NUP210: variants seen among roughly 807,000 people sequenced by gnomAD.
The protein encoded by NUP210 is nucleoporin 210.
In NUP210, 151 loss-of-function variants were observed where a neutral mutation model predicts 196.0. The ratio of observed to expected loss-of-function variants is 0.77; its 90% confidence interval spans 0.67 to 0.88. The LOEUF is 0.88. Ranked by LOEUF, NUP210 falls within the 40% of genes least tolerant of loss-of-function variation. The probability of loss-of-function intolerance (pLI) is 0.00; values close to 1 mark genes in which losing one functional copy is unlikely to be tolerated. For missense variants in NUP210, 2,314 were observed against 2,493.7 expected (o/e 0.93, Z 1.53); for synonymous variants, 1,070 against 1,052.7 (o/e 1.02, Z -0.32).
rs556545571 is a variant in NUP210 at position 13,412,479 on chromosome 3, AGAG to A, written c.167+7578_167+7580del. Among the ~76,000 whole-genome samples, 94 of 151,794 alleles carry A rather than the reference AGAG, an allele frequency of 6.2e-4. No individual in the cohort carries two copies. In the South Asian group the frequency reaches 0.019, roughly 31 times the overall value. On this transcript the variant is annotated intron_variant, in intron 1 of 39. Transcript: ENST00000254508. ...CTGTAATCCCAGCACTTTGGGAGGC[AGAG>A]GAGGGCTGATCACCTGAGGTCGGGA...
At chr3:13,336,027 T>C (rs1481892789) in intron 27 of NUP210, among the ~76,000 whole-genome samples, 4 of 152,240 alleles carry the variant, frequency 2.6e-5, no homozygotes, top group East Asian at 3.8e-4. Flanking sequence ...TTGTGTTCCA[T>C]GGGAGCAATC....
At chr3:13,328,974 G>A (rs907664286) in intron 30 of NUP210, 28 bp from the exon 31 acceptor site, 1 of 1,603,592 alleles carries the variant, frequency 6.2e-7, no homozygotes, top group South Asian at 1.1e-5. Context: ...GGTATGATGA[G>A]GATTCAGTGC....
rs766411118 is a variant in NUP210, at chr3:13,354,028, C to G, written c.2408G>C (p.Ser803Thr). The change falls in exon 17 of 40, where the codon AGC (serine) becomes ACC (threonine). Residue 803 changes from serine (S) to threonine (T), a missense_variant. Coordinates refer to ENST00000254508, the MANE Select transcript of NUP210 (RefSeq NM_024923.4). Reference protein sequence around the residue: ...DQEGRRFDNFSSLSIQWESTR... With the variant: ...DQEGRRFDNFTSLSIQWESTR... ...GGACTCCCACTGGATGCTCAGAGAG[C>G]TGAAGTTGTCGAACCGGCGGCCCTC... 2.5e-6 allele frequency: 4 copies of G among 1,608,838 alleles called. No individual in the cohort carries two copies. In the Admixed American group the frequency reaches 6.7e-5, roughly 27 times the overall value.
chr3:13,408,878 G>T (rs967850551), intron 1 of NUP210, among the ~76,000 whole-genome samples: 9 of 151,870 alleles, frequency 5.9e-5, no homozygotes, highest in African/African-American at 2.2e-4. Flanking sequence ...TGCATACTCT[G>T]CAAGTGTTTT....
At chr3:13,328,037 C>T (rs180954965) in intron 31 of NUP210, among the ~76,000 whole-genome samples, 3 of 152,330 alleles carry the variant, frequency 2.0e-5, no homozygotes, top group Admixed American at 2.0e-4. Context: ...TGCATCCTTG[C>T]CTCCACCACA....
chr3:13,324,891 C>T (rs770991282), intron 33 of NUP210, among the ~76,000 whole-genome samples: 1 of 152,206 alleles, frequency 6.6e-6, no homozygotes, highest in East Asian at 1.9e-4. Flanking sequence ...GGGCTTCTGA[C>T]GTGCTAACTC....
intron 21 of NUP210, 73 bp downstream of exon 21, chr3:13,343,102 T>G: frequency 6.4e-7 from 1 of 1,574,310 alleles, no homozygotes; most frequent in Non-Finnish European, 8.7e-7. Flanking sequence ...TGCGGAACAT[T>G]CCTCCCACAG....
At chr3:13,394,757 T>C (rs1167633280) in intron 3 of NUP210, among the ~76,000 whole-genome samples, 5 of 152,214 alleles carry the variant, frequency 3.3e-5, no homozygotes, top group African/African-American at 1.2e-4. Flanking sequence ...GTTGAGCAAT[T>C]CTCTTTCTTG....
intron 14 of NUP210, among the ~76,000 whole-genome samples, chr3:13,362,651 G>T (rs1698410079): frequency 6.6e-6 from 1 of 152,144 alleles, no homozygotes; most frequent in Admixed American, 6.5e-5. Context: ...CTGTCTCTGG[G>T]CATCCCTCCC....
chr3:13,379,663 GGGGCCC>G lies in NUP210; in HGVS notation c.870_875del (p.Gly291_Pro292del). 1.2e-6 allele frequency: 2 copies of G among 1,613,804 alleles called. No individual in the cohort carries two copies. Among genetic ancestry groups the G allele is most frequent in the Non-Finnish European group, 1.7e-6 (2 of 1,179,920 alleles). On this transcript the variant is annotated inframe_deletion, in exon 7 of 40. Coordinates refer to ENST00000254508, the MANE Select transcript of NUP210 (RefSeq NM_024923.4). The surrounding 1 kb of genome is among the most constrained non-coding windows in gnomAD (Gnocchi z 4.2). The stretch of plus-strand genomic sequence containing the variant: ...CCACCGGCCGGGCTGGGTCTCCTTC[GGGGCCC>G]GGGATGCTGTTCTGAAGCTGCAACT...
chr3:13,417,121 G>C (rs1351999527), intron 1 of NUP210, among the ~76,000 whole-genome samples: 2 of 152,184 alleles, frequency 1.3e-5, no homozygotes, highest in Non-Finnish European at 2.9e-5. Context: ...ATTAGCCAGA[G>C]GCTGCCAGTC....
Position 13,335,545 on chromosome 3 carries a change from G to C in NUP210, c.3752C>G (p.Thr1251Ser). Reference protein sequence around the residue: ...MNVLGRVKGRTGLRVVVKAVD... With the variant: ...MNVLGRVKGRSGLRVVVKAVD... ...AGCCTTGACCACCACCCTCAGCCCGGTCCGGCCTTTTACCCGGCCGAGCAC... is the reference window on the plus strand; with the variant it reads ...AGCCTTGACCACCACCCTCAGCCCGCTCCGGCCTTTTACCCGGCCGAGCAC... Residue 1251 changes from threonine to serine, a missense_variant, in exon 28 of 40, where the codon ACC becomes AGC. By Grantham distance (58) the Thr-to-Ser change is moderately conservative. Transcript: ENST00000254508. 1 of 1,614,092 alleles carries C rather than the reference G, an allele frequency of 6.2e-7. No individual in the cohort carries two copies. The highest frequency in any genetic ancestry group is 8.5e-7 in the Non-Finnish European group (1 of 1,180,034).
chr3:13,321,683 C>G lies in NUP210; in HGVS notation c.5068G>C (p.Gly1690Arg). 6.2e-7 allele frequency: 1 copy of G among 1,614,142 alleles called. No homozygotes were observed. Residue 1690 changes from glycine to arginine, a missense_variant, in exon 36 of 40, where the codon GGT (glycine) becomes CGT (arginine). Transcript: ENST00000254508. Reference protein sequence around the residue: ...QVGAEVPFSPGLFADQAEILL... With the variant: ...QVGAEVPFSPRLFADQAEILL... ...ATTTCAGCCTGGTCGGCGAAGAGAC[C>G]TGGGCTGAAGGGCACCTCGGCCCCC...
intron 19 of NUP210, 28 bp from the exon 20 acceptor site, chr3:13,352,008 G>A (rs895257259): frequency 1.9e-6 from 3 of 1,606,978 alleles, no homozygotes; most frequent in East Asian, 2.2e-5. Context: ...AGGGAGGGTT[G>A]GGCCGCATGT....
Position 13,341,735 on chromosome 3 carries a change from G to A in NUP210, c.3228+13C>T, listed in dbSNP as rs1437280853. On this transcript the variant is annotated intron_variant, in intron 23 of 39. Transcript: ENST00000254508. ...GGGCTGATCCCACATGGTGTGGGAA[G>A]AACTCGTCTTACTTCAATCTGTTGT... 6.2e-7 allele frequency: 1 copy of A among 1,613,898 alleles called. No homozygotes were observed. Among genetic ancestry groups the A allele is most frequent in the African/African-American group, 1.3e-5 (1 of 74,948 alleles).
chr3:13,377,307 C>T (rs1698945649), intron 9 of NUP210, 149 bp downstream of exon 9: 3 of 625,806 alleles, frequency 4.8e-6, no homozygotes, highest in Admixed American at 4.6e-5. Context: ...GCACTGTTTC[C>T]CACAGACCCG....
Position 13,386,353 on chromosome 3 carries a change from G to C in NUP210, c.739C>G (p.Pro247Ala). ...ACCATCAGGTAGACGTCATAGGCCG[G>C]GTTCAGAAGGATGTTTTCCAAAATC... ...LLILENILLN[P>A]AYDVYLMVGT... is the part of the protein sequence containing the mutation. Residue 247 changes from proline to alanine, a missense_variant, in exon 6 of 40, where the codon CCG becomes GCG. Pro to Ala is a conservative substitution (Grantham distance 27, BLOSUM62 -1). Coordinates refer to ENST00000254508, the MANE Select transcript of NUP210 (RefSeq NM_024923.4). The C allele has an allele frequency of 6.2e-7, 1 of 1,614,188 alleles. No individual in the cohort carries two copies. The highest frequency in any genetic ancestry group is 2.2e-5 in the East Asian group (1 of 44,874).
intron 1 of NUP210, 125 bp downstream of exon 1, chr3:13,419,935 T>C (rs2124974346): frequency 2.0e-6 from 1 of 499,076 alleles, no homozygotes; most frequent in Non-Finnish European, 2.7e-6. Context: ...TGCTGCAGCC[T>C]AGCGCCCAGC....
intron 31 of NUP210, 43 bp from the exon 32 acceptor site, chr3:13,327,480 A>C: frequency 7.0e-7 from 1 of 1,434,454 alleles, no homozygotes; most frequent in South Asian, 1.2e-5. Flanking sequence ...CTCGGGAAAG[A>C]AGCTTCCAAC....
Sources: gnomAD v4.1 joint callset for allele counts (sites outside exome capture counted in the v4.1 genomes callset) on GRCh38, gnomAD v4.1.1 for gene constraint, Gnocchi (gnomAD v3.1) non-coding constraint, MANE v1.5 for transcripts, NCBI Gene and HGNC (gene_info 2026-07-23, HGNC 2026-07-21) for gene names.